Variants in C12orf42 observed in about 807,000 individuals in gnomAD.
C12orf42 encodes the protein chromosome 12 open reading frame 42.
In C12orf42, 25 loss-of-function variants were observed where a neutral mutation model predicts 21.6. That is an observed-to-expected ratio of 1.16 (90% confidence interval 0.84 to 1.62). The LOEUF (loss-of-function observed/expected upper bound fraction) is 1.62, where lower values mean the gene tolerates loss of function less well. Among genes scored for constraint, C12orf42 ranks in the 40% most tolerant of loss-of-function variants. C12orf42 has a pLI of 0.00. For missense variants in C12orf42, 483 were observed against 459.3 expected (o/e 1.05, Z -0.47); for synonymous variants, 174 against 175.0 (o/e 0.99, Z 0.05).
At chr12:103,299,514 A>G (rs1182331781), downstream of C12orf42, among the ~76,000 whole-genome samples, 1 of 152,198 alleles carries the variant, frequency 6.6e-6, no homozygotes, top group Non-Finnish European at 1.5e-5. Flanking sequence ...ATGAAGTGGC[A>G]TATTATGTTC....
chr12:103,208,208 G>C, the C12orf42 span, among the ~76,000 whole-genome samples: 1 of 152,166 alleles, frequency 6.6e-6, no homozygotes, highest in East Asian at 1.9e-4. Context: ...CAAAAGGTGC[G>C]CTGGGGTGAC....
the C12orf42 span, among the ~76,000 whole-genome samples, chr12:103,080,130 G>A: frequency 4.6e-5 from 7 of 152,088 alleles, no homozygotes; most frequent in South Asian, 2.1e-4. Flanking sequence ...AAAACAACAC[G>A]AGAGGAGGCT....
At chr12:103,204,598 C>T in the C12orf42 span, among the ~76,000 whole-genome samples, 1 of 152,146 alleles carries the variant, frequency 6.6e-6, no homozygotes, top group African/African-American at 2.4e-5. Context: ...CAAATCATTT[C>T]TCTTTCCAGA....
the C12orf42 span, chr12:103,164,252 T>G: frequency 2.7e-6 from 1 of 374,832 alleles, no homozygotes; most frequent in Non-Finnish European, 5.2e-6. Context: ...TCTCCATATA[T>G]CCTATGCTAC....
chr12:103,140,378 T>C, the C12orf42 span, among the ~76,000 whole-genome samples: 1 of 152,178 alleles, frequency 6.6e-6, no homozygotes, highest in Non-Finnish European at 1.5e-5. Flanking sequence ...CCAACCTATG[T>C]CTCTTAATTG....
the C12orf42 span, among the ~76,000 whole-genome samples, chr12:103,057,317 C>A: frequency 6.6e-6 from 1 of 151,992 alleles, no homozygotes; most frequent in Non-Finnish European, 1.5e-5. Flanking sequence ...GCCCCACATG[C>A]ATTAGTTATT....
At chr12:103,558,951 G>A in the C12orf42 span, 1 of 152,184 alleles carries the variant, frequency 6.6e-6, no homozygotes, top group African/African-American at 2.4e-5. Flanking sequence ...GCTGGGGCCT[G>A]TGTAGGCAAA....
At chr12:103,316,683 C>T (rs889045211) in intron 4 of C12orf42, among the ~76,000 whole-genome samples, 1 of 151,942 alleles carries the variant, frequency 6.6e-6, no homozygotes, top group African/African-American at 2.4e-5. Flanking sequence ...AACCATATAC[C>T]ATATGTGTAA....
At chr12:103,077,819 T>A in the C12orf42 span, among the ~76,000 whole-genome samples, 1 of 152,168 alleles carries the variant, frequency 6.6e-6, no homozygotes, top group Non-Finnish European at 1.5e-5. Flanking sequence ...AGCACCATAA[T>A]CCCCAAAGTC....
intron 2 of C12orf42, among the ~76,000 whole-genome samples, chr12:103,438,318 C>T (rs901706862): frequency 6.6e-6 from 1 of 152,036 alleles, no homozygotes; most frequent in Non-Finnish European, 1.5e-5. Flanking sequence ...TGGGCAAAAA[C>T]TGGAAGCATT....
At chr12:103,360,811 G>A (rs543408696) in intron 4 of C12orf42, among the ~76,000 whole-genome samples, 66 of 152,200 alleles carry the variant, frequency 4.3e-4, no homozygotes, top group African/African-American at 1.5e-3. Flanking sequence ...AAATTCATAT[G>A]ATTTTATTGG....
the C12orf42 span, among the ~76,000 whole-genome samples, chr12:103,154,025 CAA>C: frequency 8.9e-4 from 46 of 51,674 alleles, no homozygotes; most frequent in African/African-American, 2.8e-3. Flanking sequence ...CAAATCTCAG[CAA>C]AAAAAAAAAA....
chr12:103,295,374 CTTCATGGAAT>C (rs2037189724), intron 4 of C12orf42, among the ~76,000 whole-genome samples: 1 of 151,644 alleles, frequency 6.6e-6, no homozygotes, highest in Non-Finnish European at 1.5e-5. Flanking sequence ...ATTGGAGGTT[CTTCATGGAAT>C]AGTTTGTAAA....
In C12orf42 at chr12:103,369,427, C is replaced by T. The variant is rs528041414; in HGVS notation, c.148-429G>A. ...GATGAAAAACATAAAATAAGAGATA[C>T]ATTTTCATACAGGGTGATACATTTT... On this transcript the variant is annotated intron_variant, in intron 3 of 5. Transcript: ENST00000548883. 5.5e-4 allele frequency among the ~76,000 whole-genome samples: 83 copies of T among 151,036 alleles called. No individual in the cohort carries two copies. In the Middle Eastern group the frequency reaches 0.014, roughly 25 times the overall value.
At chr12:103,349,575 C>A (rs573925824) in intron 4 of C12orf42, among the ~76,000 whole-genome samples, 2 of 152,036 alleles carry the variant, frequency 1.3e-5, no homozygotes, top group Admixed American at 1.3e-4. Context: ...GCAAATTTTA[C>A]TTTTCATCTC....
chr12:103,376,308 A>G (rs1388587128), intron 3 of C12orf42, among the ~76,000 whole-genome samples: 2 of 152,188 alleles, frequency 1.3e-5, no homozygotes, highest in Non-Finnish European at 1.5e-5. Flanking sequence ...ACAGGAAAAG[A>G]AAACCAAACA....
intron 2 of C12orf42, among the ~76,000 whole-genome samples, chr12:103,426,960 A>G (rs1949862299): frequency 6.6e-6 from 1 of 152,244 alleles, no homozygotes; most frequent in South Asian, 2.1e-4. Flanking sequence ...TAAAGGAAGC[A>G]CTAAATATGG....
At chr12:103,337,075 G>A (rs2041763068) in intron 4 of C12orf42, among the ~76,000 whole-genome samples, 1 of 152,178 alleles carries the variant, frequency 6.6e-6, no homozygotes, top group South Asian at 2.1e-4. Flanking sequence ...GCAATGTTAT[G>A]GTTAAATTGT....
intron 4 of C12orf42, 67 bp downstream of exon 4, chr12:103,368,820 T>G (rs1444838425): frequency 1.3e-6 from 1 of 780,904 alleles, no homozygotes. Flanking sequence ...TTTATGATTA[T>G]TACCTGTACA....
Sources: allele counts gnomAD v4.1 joint callset (sites outside exome capture counted in the v4.1 genomes callset), GRCh38; gene constraint gnomAD v4.1.1; transcripts MANE v1.5; gene names NCBI Gene and HGNC (gene_info 2026-07-23, HGNC 2026-07-21).